INPP5F: variants seen among roughly 807,000 people sequenced by gnomAD.
The protein encoded by INPP5F is inositol polyphosphate-5-phosphatase F.
Under a neutral mutation model 137.2 loss-of-function variants are expected in INPP5F, and 97 were observed. The observed-to-expected ratio is 0.71, with a 90% confidence interval of 0.60 to 0.84. INPP5F has a LOEUF of 0.84. Ranked by LOEUF, INPP5F falls within the 40% of genes least tolerant of loss-of-function variation. The pLI, the probability that INPP5F is intolerant of heterozygous loss-of-function variation, is 0.00. For synonymous variants in INPP5F, 504 were observed against 476.9 expected, an observed-to-expected ratio of 1.06 and a Z score of -0.74; for missense variants, 1,271 against 1,371.9, an observed-to-expected ratio of 0.93 and a Z score of 1.16.
At chr10:119,726,561 C>T (rs1328823367) in intron 1 of INPP5F, among the ~76,000 whole-genome samples, 3 of 152,212 alleles carry the variant, frequency 2.0e-5, no homozygotes, top group Admixed American at 6.5e-5. Context: ...GAGCCCCTAC[C>T]CCAGTGCGGA....
At position 119,827,069 on chromosome 10, in the gene INPP5F, C is replaced by T. The variant is rs374872892; in HGVS notation, c.2688C>T (p.Ala896=). The T allele has an allele frequency of 1.4e-5, 23 of 1,613,956 alleles. No individual in the cohort carries two copies. The highest frequency in any genetic ancestry group is 1.8e-5 in the Non-Finnish European group (21 of 1,180,016). The change falls in exon 20 of 20, where the codon GCC becomes GCT. Residue 896 remains alanine (A), a synonymous_variant. Transcript: ENST00000650623. ...DYVLPSCGII[A]SAPRLGSRSQ... ...TTCTTCCTAGTTGTGGTATTATTGC[C>T]TCAGCGCCTCGATTGGGCAGTCGGT...
chr10:119,754,884 G>T (rs534511160), intron 2 of INPP5F, among the ~76,000 whole-genome samples: 1 of 152,280 alleles, frequency 6.6e-6, no homozygotes, highest in South Asian at 2.1e-4. Flanking sequence ...GTGTGAGAAA[G>T]AATTGAGAAA....
At chr10:119,765,880 T>TATATAG in intron 2 of INPP5F, among the ~76,000 whole-genome samples, 1 of 144,292 alleles carries the variant, frequency 6.9e-6, no homozygotes, top group African/African-American at 2.6e-5. Context: ...TATATATATA[T>TATATAG]AGAGAGAGAG....
chr10:119,797,511 T>C lies in INPP5F; in HGVS notation c.919T>C (p.Tyr307His). The C allele has an allele frequency of 6.2e-7, 1 of 1,612,802 alleles. No homozygotes were observed. The highest frequency in any genetic ancestry group is 8.5e-7 in the Non-Finnish European group (1 of 1,179,270). ...GGATAAAAATGGAAATGTTGCCAATTATGTGGAGACTGAGCAGTTGATTCA... is the reference window on the plus strand; with the variant it reads ...GGATAAAAATGGAAATGTTGCCAATCATGTGGAGACTGAGCAGTTGATTCA... ...GVDKNGNVAN[Y>H]VETEQLIHVH... is the part of the protein sequence containing the mutation. The change falls in exon 8 of 20, where the codon TAT (tyrosine) becomes CAT (histidine). Residue 307 changes from tyrosine (Y) to histidine (H), a missense_variant. Around this residue, in one of 6 missense-constraint regions of INPP5F, gnomAD observed 593 missense variants for 712.4 expected, o/e 0.83. Coordinates refer to ENST00000650623, the MANE Select transcript of INPP5F (RefSeq NM_014937.4).
chr10:119,806,279 T>C (rs969766452), intron 11 of INPP5F, 81 bp from the exon 12 acceptor site: 1 of 1,007,270 alleles, frequency 9.9e-7, no homozygotes, highest in African/African-American at 1.6e-5. Flanking sequence ...TGCTGTTTTA[T>C]TGATATACTT....
At chr10:119,794,851 A>ACC (rs1268398072) in intron 6 of INPP5F, among the ~76,000 whole-genome samples, 1 of 54,748 alleles carries the variant, frequency 1.8e-5, no homozygotes, top group African/African-American at 6.2e-5. Context: ...CGGGGGTCTG[A>ACC]CCCCCTCCCC....
intron 2 of INPP5F, among the ~76,000 whole-genome samples, chr10:119,773,273 G>T (rs1485088303): frequency 2.0e-5 from 3 of 151,848 alleles, no homozygotes; most frequent in African/African-American, 7.3e-5. Flanking sequence ...CCCAGGCTAG[G>T]CTCAAACTCC....
intron 6 of INPP5F, 108 bp downstream of exon 6, chr10:119,792,321 AC>A: frequency 1.3e-6 from 1 of 781,276 alleles, no homozygotes; most frequent in East Asian, 2.7e-5. Context: ...ATATTAAGAT[AC>A]ATTTTTAAAG....
chr10:119,802,466 T>C (rs749852132), intron 9 of INPP5F, among the ~76,000 whole-genome samples: 1 of 152,152 alleles, frequency 6.6e-6, no homozygotes, highest in Non-Finnish European at 1.5e-5. Context: ...CCTTGACACA[T>C]GCATATACAC....
In INPP5F at chr10:119,807,955, C is replaced by T. The variant is rs978395143; in HGVS notation, c.1464C>T (p.Pro488=). Residue 488 remains proline, a synonymous_variant, in exon 13 of 20, where the codon CCC becomes CCT. Coordinates refer to ENST00000650623, the MANE Select transcript of INPP5F (RefSeq NM_014937.4). ...AGCTGAAAAAATTAGGTGTGATGCC[C>T]CCGGAACAGCCATTACCTGTGAAAT... ...EQQLKKLGVM[P]PEQPLPVKCN... 1 of 1,612,498 alleles carries T rather than the reference C, an allele frequency of 6.2e-7. No homozygotes were observed.
At chr10:119,760,309 C>T (rs1399680535) in intron 2 of INPP5F, among the ~76,000 whole-genome samples, 3 of 152,132 alleles carry the variant, frequency 2.0e-5, no homozygotes, top group East Asian at 1.9e-4. Flanking sequence ...TGCAGTGGCG[C>T]GTGCCTGTAG....
chr10:119,742,001 A>G (rs1848389068), intron 1 of INPP5F, among the ~76,000 whole-genome samples: 1 of 151,154 alleles, frequency 6.6e-6, no homozygotes, highest in African/African-American at 2.4e-5. Context: ...TTGCATTTTT[A>G]GTAGAGATGG....
intron 2 of INPP5F, among the ~76,000 whole-genome samples, chr10:119,773,490 A>G (rs945891321): frequency 6.6e-6 from 1 of 152,178 alleles, no homozygotes; most frequent in Non-Finnish European, 1.5e-5. Context: ...ACGGTTTTCT[A>G]ACCCTTGCTT....
At chr10:119,811,354 T>A (rs1379044360) in intron 14 of INPP5F, among the ~76,000 whole-genome samples, 1 of 152,232 alleles carries the variant, frequency 6.6e-6, no homozygotes, top group Non-Finnish European at 1.5e-5. Flanking sequence ...TATAATGATT[T>A]ATTAAGGCTG....
Position 119,811,743 on chromosome 10 carries a change from C to T in INPP5F, c.1688-14C>T, listed in dbSNP as rs372494469. The T allele has an allele frequency of 1.1e-5, 18 of 1,597,476 alleles. No homozygotes were observed. In the African/African-American group the frequency reaches 2.3e-4, roughly 20 times the overall value. On this transcript the variant is annotated splice_polypyrimidine_tract_variant and intron_variant, in intron 14 of 19. Transcript: ENST00000650623. ...AAACTAAAATGATGATAGATATTAA[C>T]AATTCCACCCTAGATTTGATGCAAG...
chr10:119,811,423 C>T (rs1851025331), intron 14 of INPP5F, among the ~76,000 whole-genome samples: 1 of 152,158 alleles, frequency 6.6e-6, no homozygotes, highest in Non-Finnish European at 1.5e-5. Flanking sequence ...GCTCATTTTA[C>T]AATTGCCTTA....
intron 15 of INPP5F, chr10:119,818,780 C>CGACGGACGGACA (rs968829152): frequency 2.6e-5 from 4 of 152,260 alleles, no homozygotes; most frequent in African/African-American, 9.6e-5. Flanking sequence ...CTCGAGGCAT[C>CGACGGACGGACA]GACGGACGGA....
intron 19 of INPP5F, chr10:119,826,025 C>G (rs1589761811): frequency 2.5e-6 from 1 of 398,424 alleles, no homozygotes; most frequent in East Asian, 3.6e-5. Flanking sequence ...TCAGGTAACC[C>G]ACAGGACATA....
chr10:119,776,598 G>A (rs1004152482), intron 2 of INPP5F, among the ~76,000 whole-genome samples: 2 of 151,958 alleles, frequency 1.3e-5, no homozygotes, highest in African/African-American at 4.8e-5. Context: ...AATTTGTAAT[G>A]TCGATATGAA....
Sources: allele counts gnomAD v4.1 joint callset (sites outside exome capture counted in the v4.1 genomes callset), GRCh38; gene constraint gnomAD v4.1.1; regional missense constraint gnomAD v4.1.1; transcripts MANE v1.5; gene names NCBI Gene and HGNC (gene_info 2026-07-23, HGNC 2026-07-21).